The following MYEF2 variants were observed in gnomAD, a reference collection of about 807,000 sequenced individuals.
MYEF2 encodes myelin gene expression factor 2.
A neutral mutation model predicts 75.2 loss-of-function variants in MYEF2; 37 were observed. The observed-to-expected ratio is 0.49, with a 90% CI of 0.38 to 0.65. MYEF2 has a LOEUF of 0.65. Ranked by LOEUF, MYEF2 falls within the 30% of genes least tolerant of loss-of-function variation. The pLI, the probability that MYEF2 is intolerant of heterozygous loss-of-function variation, is 0.00. For synonymous variants in MYEF2, 195 were observed against 241.6 expected (o/e 0.81, Z 1.79); for missense variants, 634 against 771.4 (o/e 0.82, Z 2.11).
chr15:48,168,430 A>G (rs1231387252), intron 2 of MYEF2, among the ~76,000 whole-genome samples: 1 of 152,152 alleles, frequency 6.6e-6, no homozygotes, highest in South Asian at 2.1e-4. Context: ...TCCCACTAAA[A>G]TGGCAAAAAG....
chr15:48,167,466 T>C, intron 2 of MYEF2, 65 bp from the exon 3 acceptor site: 1 of 1,477,684 alleles, frequency 6.8e-7, no homozygotes, highest in Non-Finnish European at 9.5e-7. Flanking sequence ...TATCTTGCTT[T>C]ACTGCACACC....
At chr15:48,165,280 A>G (rs1207848416) in intron 5 of MYEF2, among the ~76,000 whole-genome samples, 4 of 152,262 alleles carry the variant, frequency 2.6e-5, no homozygotes, top group South Asian at 2.1e-4. Flanking sequence ...ACAATACAAA[A>G]TAAAGGAACC....
At chr15:48,163,165 G>C (rs2040010087) in intron 5 of MYEF2, among the ~76,000 whole-genome samples, 1 of 152,102 alleles carries the variant, frequency 6.6e-6, no homozygotes, top group Non-Finnish European at 1.5e-5. Flanking sequence ...TTCAAAAACA[G>C]GTAAAAACAC....
chr15:48,167,241 A>T (rs2040164879), intron 3 of MYEF2, 108 bp downstream of exon 3: 2 of 1,114,738 alleles, frequency 1.8e-6, no homozygotes, highest in South Asian at 2.7e-5. Context: ...ATAATAAAGT[A>T]AAACAAAATG....
At position 48,141,765 on chromosome 15, in the gene MYEF2, A is replaced by AG; in HGVS notation, c.*1142_*1143insC. The AG allele has an allele frequency of 4.2e-6, 1 of 239,328 alleles. No individual in the cohort carries two copies. 14.8% of individuals were successfully genotyped at this position (239,328 alleles called of 1,614,324 possible). Reference sequence around the variant, plus strand: ...ATAGTAATTAACCATTAACCATGTTAAATTACAATGAAAAGCAACAAATAA... The same window carrying AG: ...ATAGTAATTAACCATTAACCATGTTAGAATTACAATGAAAAGCAACAAATAA... On this transcript the variant is annotated 3_prime_UTR_variant, in exon 17 of 17. Coordinates refer to ENST00000324324, the MANE Select transcript of MYEF2 (RefSeq NM_016132.5).
rs2039863774 is a variant in MYEF2, at chr15:48,159,736, G to T, written c.594C>A (p.Val198=). 6.2e-7 allele frequency: 1 copy of T among 1,613,522 alleles called. No homozygotes were observed. Among genetic ancestry groups the T allele is most frequent in the Non-Finnish European group, 8.5e-7 (1 of 1,179,754 alleles). ...RTGGSFPGGH[V]PDMGSGLMNL... The stretch of plus-strand genomic sequence containing the variant: ...TCATCAACCCTGATCCCATATCAGG[G>T]ACGTGTCCTCCTGGAAATGATCCTC... Residue 198 remains valine (V), a synonymous_variant, in exon 6 of 17, where the codon GTC becomes GTA. Coordinates refer to ENST00000324324, the MANE Select transcript of MYEF2 (RefSeq NM_016132.5).
At chr15:48,153,635 G>C in intron 10 of MYEF2, 157 bp downstream of exon 10, 1 of 630,222 alleles carries the variant, frequency 1.6e-6, no homozygotes, top group Non-Finnish European at 2.7e-6. Flanking sequence ...TGTTAGCTGT[G>C]CTCAAGGTTT....
At chr15:48,151,233 C>G in intron 13 of MYEF2, 62 bp from the exon 14 acceptor site, 8 of 1,386,960 alleles carry the variant, frequency 5.8e-6, no homozygotes, top group Non-Finnish European at 8.0e-6. Context: ...TTAAAATTCC[C>G]AAGGTACTAT....
chr15:48,158,656 TA>T, intron 7 of MYEF2, 112 bp downstream of exon 7: 1 of 1,275,510 alleles, frequency 7.8e-7, no homozygotes, highest in Non-Finnish European at 1.1e-6. Context: ...GACTAAAGTC[TA>T]ACACACATCT....
chr15:48,134,634 T>C lies in MYEF2; in HGVS notation c.*8274A>G, dbSNP rs1242367967. The C allele has an allele frequency of 3.4e-6, 3 of 887,860 alleles. No individual in the cohort carries two copies. Among genetic ancestry groups the C allele is most frequent in the East Asian group, 5.0e-5 (2 of 40,104 alleles). 55.0% of individuals were successfully genotyped at this position (887,860 alleles called of 1,614,324 possible). ...GATGGACAACAGGGCACTAATAATA[T>C]GTGCAATCAAATTTATTAATCAGTA... On this transcript the variant is annotated 3_prime_UTR_variant, in exon 17 of 17. Transcript: ENST00000324324.
rs1011509955 is a variant in MYEF2 at position 48,176,253 on chromosome 15, G to T, written c.161+1824C>A. On this transcript the variant is annotated intron_variant, in intron 1 of 16. Coordinates refer to ENST00000324324, the MANE Select transcript of MYEF2 (RefSeq NM_016132.5). Reference sequence around the variant, plus strand: ...AAAAAAAAAAAAAAAGGACTAGGTCGCTAGTTATTCAGTTTGAATGACTCA... The same window carrying T: ...AAAAAAAAAAAAAAAGGACTAGGTCTCTAGTTATTCAGTTTGAATGACTCA... 3.3e-4 allele frequency among the ~76,000 whole-genome samples: 49 copies of T among 148,306 alleles called. 1 individual carries two copies. Among genetic ancestry groups the T allele is most frequent in the Admixed American group, 1.3e-3 (20 of 14,886 alleles).
chr15:48,159,701 GGTGGTAAAT>G lies in MYEF2; in HGVS notation c.620_628del (p.Asn207_Pro210delinsThr), dbSNP rs1567259864. On this transcript the variant is annotated inframe_deletion, in exon 6 of 17. Transcript: ENST00000324324. ...AATGTTTGGATTATTGAGTATGGAA[GGTGGTAAAT>G]TCATCAACCCTGATCCCATATCAGG... is the stretch of plus-strand genomic sequence containing the variant. 7 of 1,613,650 alleles carry G rather than the reference GGTGGTAAAT, an allele frequency of 4.3e-6. No homozygotes were observed. The highest frequency in any genetic ancestry group is 5.9e-6 in the Non-Finnish European group (7 of 1,179,730).
At chr15:48,172,602 G>T (rs1006825604) in intron 1 of MYEF2, among the ~76,000 whole-genome samples, 10 of 151,266 alleles carry the variant, frequency 6.6e-5, no homozygotes, top group African/African-American at 2.4e-4. Context: ...AACTGACAAA[G>T]ATCAAACTAG....
rs1046194127 is a variant in MYEF2 at position 48,158,843 on chromosome 15, T to A, written c.797A>T (p.Glu266Val). Residue 266 changes from glutamate to valine, a missense_variant, in exon 7 of 17, where the codon GAA becomes GTA. Coordinates refer to ENST00000324324, the MANE Select transcript of MYEF2 (RefSeq NM_016132.5). ...TCCTCTGCTCTTGCCATCTTTGTCT[T>A]CTTTAATATCTGCCCGCTTCACAGT... ...AGTVKRADIK[E>V]DKDGKSRGMG... 1.2e-6 allele frequency: 2 copies of A among 1,613,730 alleles called. No homozygotes were observed. Among genetic ancestry groups the A allele is most frequent in the Admixed American group, 1.7e-5 (1 of 59,958 alleles).
rs2038856746 is a variant in MYEF2, at chr15:48,134,831, T to G, written c.*8077A>C. On this transcript the variant is annotated 3_prime_UTR_variant, in exon 17 of 17. Transcript: ENST00000324324. ...AACAATTTTAGTATTATACTAAGGA[T>G]TGTACTTGAAGAAGTTACAATGTAA... 2 of 1,325,958 alleles carry G rather than the reference T, an allele frequency of 1.5e-6. No individual in the cohort carries two copies. The highest frequency in any genetic ancestry group is 2.1e-6 in the Non-Finnish European group (2 of 931,872). 82.1% of individuals were successfully genotyped at this position (1,325,958 alleles called of 1,614,324 possible). A position where few individuals can be genotyped will look rare whatever the true frequency, so the allele number is the denominator to read the frequency against.
chr15:48,152,371 C>T, intron 10 of MYEF2, 87 bp from the exon 11 acceptor site: 2 of 1,117,176 alleles, frequency 1.8e-6, no homozygotes, highest in Admixed American at 4.0e-5. Context: ...AAAATAGATA[C>T]CACTGGTATA....
chr15:48,155,266 A>T (rs767100446), intron 9 of MYEF2, among the ~76,000 whole-genome samples: 1 of 152,156 alleles, frequency 6.6e-6, no homozygotes, highest in African/African-American at 2.4e-5. Context: ...CTTACATTAA[A>T]ATGAGACCAA....
intron 5 of MYEF2, among the ~76,000 whole-genome samples, chr15:48,160,486 T>TACATACACACACACACACACAC (rs200591805): frequency 1.1e-3 from 150 of 139,304 alleles, no homozygotes; most frequent in African/African-American, 3.6e-3. Flanking sequence ...AAACCAAACA[T>TACATACACACACACACACACAC]ACACACACAC....
chr15:48,158,973 T>C (rs763043405), intron 6 of MYEF2, 51 bp from the exon 7 acceptor site: 22 of 1,504,124 alleles, frequency 1.5e-5, no homozygotes, highest in Non-Finnish European at 1.9e-5. Context: ...CATCTCCCCA[T>C]CTGTAAATAC....
Sources: gnomAD v4.1 joint callset for allele counts (sites outside exome capture counted in the v4.1 genomes callset) on GRCh38, gnomAD v4.1.1 for gene constraint, MANE v1.5 for transcripts, NCBI Gene and HGNC (gene_info 2026-07-23, HGNC 2026-07-21) for gene names.